SPAG16: variants seen among roughly 807,000 people sequenced by gnomAD.
The protein encoded by SPAG16 is sperm associated antigen 16.
A neutral mutation model predicts 80.4 loss-of-function variants in SPAG16; 86 were observed. The observed-to-expected ratio is 1.07, with a 90% CI of 0.90 to 1.28. The LOEUF is 1.28. Among genes scored for constraint, SPAG16 ranks in the 50% most tolerant of loss-of-function variants. The probability of loss-of-function intolerance (pLI) is 0.00; values close to 1 mark genes in which losing one functional copy is unlikely to be tolerated. For missense variants in SPAG16, 870 were observed against 765.3 expected, an observed-to-expected ratio of 1.14 and a Z score of -1.61; for synonymous variants, 294 against 265.9, an observed-to-expected ratio of 1.11 and a Z score of -1.03.
intron 12 of SPAG16, among the ~76,000 whole-genome samples, chr2:213,931,222 G>T (rs190821757): frequency 2.0e-5 from 3 of 152,236 alleles, no homozygotes; most frequent in African/African-American, 4.8e-5. Flanking sequence ...AAGATCCAGG[G>T]CATTAGTGGA....
intron 10 of SPAG16, among the ~76,000 whole-genome samples, chr2:213,686,423 T>C (rs2064677292): frequency 6.6e-6 from 1 of 151,946 alleles, no homozygotes; most frequent in Non-Finnish European, 1.5e-5. Context: ...GCTGTTACTT[T>C]ATTTTAATAT....
chr2:213,930,183 G>T, intron 12 of SPAG16, 38 bp downstream of exon 12: 1 of 1,510,010 alleles, frequency 6.6e-7, no homozygotes, highest in South Asian at 1.3e-5. Flanking sequence ...CCTCTGTGCT[G>T]ATACATATAC....
chr2:213,962,486 G>A (rs1230133564), intron 12 of SPAG16, among the ~76,000 whole-genome samples: 1 of 152,104 alleles, frequency 6.6e-6, no homozygotes, highest in African/African-American at 2.4e-5. Flanking sequence ...CGCCCAGCCA[G>A]AACTGGTATC....
chr2:213,741,724 A>G (rs147384423), intron 10 of SPAG16, among the ~76,000 whole-genome samples: 47 of 152,308 alleles, frequency 3.1e-4, no homozygotes, highest in African/African-American at 1.0e-3. Context: ...GTCATTTTAT[A>G]TATGTGCCAA....
intron 12 of SPAG16, among the ~76,000 whole-genome samples, chr2:214,012,280 A>ATGTTTTTTTTTTTTTTT (rs1237894126): frequency 2.2e-5 from 1 of 46,386 alleles, no homozygotes; most frequent in African/African-American, 1.1e-4. Context: ...ATATATATAT[A>ATGTTTTTTTTTTTTTTT]TATATATATT....
intron 10 of SPAG16, among the ~76,000 whole-genome samples, chr2:213,781,092 A>G (rs143559366): frequency 6.6e-6 from 1 of 152,244 alleles, no homozygotes; most frequent in Non-Finnish European, 1.5e-5. Context: ...TACAGACATT[A>G]TATGTTACTC....
At chr2:214,335,949 G>A (rs1697263102) in intron 15 of SPAG16, among the ~76,000 whole-genome samples, 1 of 151,728 alleles carries the variant, frequency 6.6e-6, no homozygotes, top group Admixed American at 6.6e-5. Context: ...AGTAGAGATG[G>A]GGTTTCACCG....
At chr2:214,138,939 A>G (rs757208635) in intron 14 of SPAG16, among the ~76,000 whole-genome samples, 2 of 152,188 alleles carry the variant, frequency 1.3e-5, no homozygotes, top group Non-Finnish European at 2.9e-5. Flanking sequence ...AAAGTGAGAT[A>G]GCAAACCTAT....
intron 13 of SPAG16, among the ~76,000 whole-genome samples, chr2:214,050,853 G>T (rs1477667139): frequency 1.3e-5 from 2 of 152,062 alleles, no homozygotes. Flanking sequence ...TGTAAAAAAA[G>T]ATCAACCTGC....
At chr2:213,430,653 C>A (rs1423434453) in intron 9 of SPAG16, among the ~76,000 whole-genome samples, 1 of 151,972 alleles carries the variant, frequency 6.6e-6, no homozygotes, top group African/African-American at 2.4e-5. Context: ...TTTAGAAAAC[C>A]TATTTAAGGA....
At chr2:213,950,881 G>A (rs925421793) in intron 12 of SPAG16, among the ~76,000 whole-genome samples, 2 of 151,130 alleles carry the variant, frequency 1.3e-5, no homozygotes, top group Admixed American at 6.6e-5. Context: ...GCTAATTTTG[G>A]GGGACCTTGA....
chr2:214,315,506 TTTA>T lies in SPAG16; in HGVS notation c.1721-94631_1721-94629del, dbSNP rs1174125363. On this transcript the variant is annotated intron_variant, in intron 15 of 15. Coordinates refer to ENST00000331683, the MANE Select transcript of SPAG16 (RefSeq NM_024532.5). ...CCCCCCTCCAGCCCCATCTTTTTTA[TTTA>T]TTTATTTATTTATTTATTTATTTAT... Among the ~76,000 whole-genome samples, 23 of 27,518 alleles carry T rather than the reference TTTA, an allele frequency of 8.4e-4. No individual in the cohort carries two copies. In the African/African-American group the frequency reaches 9.8e-3, roughly 12 times the overall value. 18.1% of individuals were successfully genotyped at this position (27,518 alleles called of 152,430 possible).
chr2:213,564,305 G>A (rs185141490), intron 10 of SPAG16, among the ~76,000 whole-genome samples: 4 of 152,098 alleles, frequency 2.6e-5, no homozygotes, highest in Admixed American at 1.3e-4. Flanking sequence ...GACCAGCCTA[G>A]CCAACATGGT....
intron 9 of SPAG16, among the ~76,000 whole-genome samples, chr2:213,384,658 T>C (rs1436404333): frequency 1.3e-5 from 2 of 152,180 alleles, no homozygotes; most frequent in Non-Finnish European, 2.9e-5. Context: ...TCCTTTTTCA[T>C]AGGGACTGAA....
At chr2:213,291,211 C>A (rs2062260794) in intron 1 of SPAG16, among the ~76,000 whole-genome samples, 1 of 152,192 alleles carries the variant, frequency 6.6e-6, no homozygotes, top group African/African-American at 2.4e-5. Flanking sequence ...CCTCCAATTT[C>A]CACATTCATT....
At chr2:214,007,318 A>G (rs2047073536) in intron 12 of SPAG16, among the ~76,000 whole-genome samples, 2 of 152,092 alleles carry the variant, frequency 1.3e-5, no homozygotes, top group Admixed American at 1.3e-4. Context: ...CAATATGGCC[A>G]GGGATGGTGG....
chr2:213,587,831 G>C (rs1312206587), intron 10 of SPAG16, among the ~76,000 whole-genome samples: 3 of 151,932 alleles, frequency 2.0e-5, no homozygotes, highest in African/African-American at 7.3e-5. Context: ...AAGACAATTC[G>C]GCCAAGTTGT....
At chr2:213,853,004 A>G (rs1039942210) in intron 10 of SPAG16, among the ~76,000 whole-genome samples, 4 of 152,380 alleles carry the variant, frequency 2.6e-5, no homozygotes, top group African/African-American at 9.6e-5. Context: ...GAATAAAAGC[A>G]TATGTAATCT....
intron 14 of SPAG16, among the ~76,000 whole-genome samples, chr2:214,114,098 G>A (rs759386748): frequency 2.6e-5 from 4 of 152,168 alleles, no homozygotes; most frequent in Non-Finnish European, 4.4e-5. Context: ...CTGTAGGTCT[G>A]TTGGAGTTTG....
Sources: allele counts gnomAD v4.1 joint callset (sites outside exome capture counted in the v4.1 genomes callset), GRCh38; gene constraint gnomAD v4.1.1; transcripts MANE v1.5; gene names NCBI Gene and HGNC (gene_info 2026-07-23, HGNC 2026-07-21).